NSG1: variants seen among roughly 807,000 people sequenced by gnomAD.
NSG1 encodes the protein neuronal vesicle trafficking associated 1.
NSG1 carries 9 observed loss-of-function variants against 19.3 expected under a neutral mutation model. That is an observed-to-expected ratio of 0.47 (90% confidence interval 0.28 to 0.81). The LOEUF (loss-of-function observed/expected upper bound fraction) is 0.81, where lower values mean the gene tolerates loss of function less well. Among genes scored for constraint, NSG1 ranks in the 40% least tolerant of loss-of-function variants. The probability of loss-of-function intolerance (pLI) is 0.11; values close to 1 mark genes in which losing one functional copy is unlikely to be tolerated. For missense variants in NSG1, 236 were observed against 242.4 expected (o/e 0.97, Z 0.18); for synonymous variants, 104 against 107.0 (o/e 0.97, Z 0.17).
intron 4 of NSG1, among the ~76,000 whole-genome samples, chr4:4,411,324 G>C (rs933221548): frequency 1.3e-5 from 2 of 152,098 alleles, no homozygotes; most frequent in African/African-American, 2.4e-5. Flanking sequence ...TAAGGACACA[G>C]ACACACACAT....
At chr4:4,417,188 C>T in intron 4 of NSG1, 47 bp from the exon 5 acceptor site, 1 of 1,535,480 alleles carries the variant, frequency 6.5e-7, no homozygotes, top group Non-Finnish European at 9.0e-7. Context: ...CACACTGGCA[C>T]CCCCTCTTGC....
rs1436703922 is a variant in NSG1 at position 4,418,876 on chromosome 4, CAA to C, written c.*1442_*1443del. 3 of 152,238 alleles carry C rather than the reference CAA, an allele frequency of 2.0e-5. No homozygotes were observed. The highest frequency in any genetic ancestry group is 4.8e-5 in the African/African-American group (2 of 41,442). 9.4% of individuals were successfully genotyped at this position (152,238 alleles called of 1,614,324 possible). A position where few individuals can be genotyped will look rare whatever the true frequency, so the allele number is the denominator to read the frequency against. Reference sequence around the variant, plus strand: ...TGGTGTTAAGCTGTGGAAAATGACTCAAGAGCAATAAATCAGTGCCAAAGCTT... The same window carrying C: ...TGGTGTTAAGCTGTGGAAAATGACTCGAGCAATAAATCAGTGCCAAAGCTT... On this transcript the variant is annotated 3_prime_UTR_variant, in exon 5 of 5. Coordinates refer to ENST00000621129, the MANE Select transcript of NSG1 (RefSeq NM_014392.5).
At chr4:4,409,503 G>A (rs1219168788) in intron 3 of NSG1, 70 bp from the exon 4 acceptor site, 10 of 1,127,608 alleles carry the variant, frequency 8.9e-6, no homozygotes, top group African/African-American at 3.1e-5. Context: ...GGGGGCCTTC[G>A]TGTGCGGGTG....
chr4:4,415,507 C>T (rs534695932), intron 4 of NSG1, among the ~76,000 whole-genome samples: 4 of 152,062 alleles, frequency 2.6e-5, no homozygotes, highest in East Asian at 1.9e-4. Context: ...TGTGGGCTCA[C>T]GGCAAGGCCT....
chr4:4,391,931 A>G (rs1723015422), intron 3 of NSG1, among the ~76,000 whole-genome samples: 2 of 152,260 alleles, frequency 1.3e-5, no homozygotes, highest in African/African-American at 4.8e-5. Context: ...GGAAGGAAGC[A>G]GGCAATAACA....
chr4:4,389,762 T>A (rs1488539879), intron 2 of NSG1, among the ~76,000 whole-genome samples: 1 of 152,046 alleles, frequency 6.6e-6, no homozygotes, highest in Non-Finnish European at 1.5e-5. Context: ...GTGTATGGAG[T>A]GCTGAGGTGC....
chr4:4,394,278 G>T (rs1723138403), intron 3 of NSG1, among the ~76,000 whole-genome samples: 1 of 152,082 alleles, frequency 6.6e-6, no homozygotes, highest in Admixed American at 6.6e-5. Flanking sequence ...TTGCTCTGCT[G>T]CCTTGAGCCA....
chr4:4,389,971 A>G (rs1315462855), intron 2 of NSG1, among the ~76,000 whole-genome samples: 1 of 152,160 alleles, frequency 6.6e-6, no homozygotes. Context: ...GCAGGCACGG[A>G]GAGTTTGAGA....
At chr4:4,407,082 T>A (rs1272062877) in intron 3 of NSG1, among the ~76,000 whole-genome samples, 1 of 152,248 alleles carries the variant, frequency 6.6e-6, no homozygotes, top group African/African-American at 2.4e-5. Context: ...GGGAGCAGCC[T>A]GGCTCCATCC....
intron 3 of NSG1, among the ~76,000 whole-genome samples, chr4:4,401,395 T>G (rs1429673564): frequency 6.6e-6 from 1 of 152,180 alleles, no homozygotes; most frequent in African/African-American, 2.4e-5. Flanking sequence ...GCCGGGCTCG[T>G]GTTCCCTCTC....
intron 2 of NSG1, among the ~76,000 whole-genome samples, chr4:4,390,316 G>A (rs906293852): frequency 6.6e-6 from 1 of 152,232 alleles, no homozygotes; most frequent in Non-Finnish European, 1.5e-5. Flanking sequence ...TGGGGTCAGA[G>A]GCCAAGAGTG....
intron 4 of NSG1, among the ~76,000 whole-genome samples, chr4:4,411,739 G>A (rs996898121): frequency 1.2e-4 from 16 of 128,570 alleles, no homozygotes; most frequent in Non-Finnish European, 2.3e-4. Flanking sequence ...GGGAGACTCC[G>A]TCTAAAAACA....
intron 3 of NSG1, among the ~76,000 whole-genome samples, chr4:4,402,288 T>A (rs1044134808): frequency 6.7e-6 from 1 of 150,288 alleles, no homozygotes; most frequent in Non-Finnish European, 1.5e-5. Flanking sequence ...TCACTATAAC[T>A]TCTATCTCCC....
intron 3 of NSG1, among the ~76,000 whole-genome samples, chr4:4,396,358 G>A (rs746511715): frequency 3.9e-5 from 6 of 152,190 alleles, no homozygotes; most frequent in Non-Finnish European, 7.3e-5. Flanking sequence ...GGTGATGACC[G>A]GTTGCTGACG....
At chr4:4,413,192 G>A (rs1258097704) in intron 4 of NSG1, among the ~76,000 whole-genome samples, 1 of 152,022 alleles carries the variant, frequency 6.6e-6, no homozygotes, top group East Asian at 1.9e-4. Context: ...AATGAACGGT[G>A]AGGAAGTCAG....
intron 3 of NSG1, among the ~76,000 whole-genome samples, chr4:4,394,211 A>G (rs1250753447): frequency 2.0e-5 from 3 of 152,182 alleles, no homozygotes; most frequent in Non-Finnish European, 4.4e-5. Context: ...CCCAGGCGCC[A>G]TCGCTGTTGA....
upstream of NSG1, chr4:4,386,638 C>T (rs1018157579): frequency 6.5e-6 from 1 of 153,162 alleles, no homozygotes; most frequent in Non-Finnish European, 1.5e-5. Context: ...TCCTCAGGAC[C>T]CCCAGGTGAG....
chr4:4,405,857 G>C (rs999441760), intron 3 of NSG1, among the ~76,000 whole-genome samples: 2 of 152,186 alleles, frequency 1.3e-5, no homozygotes, highest in African/African-American at 2.4e-5. Context: ...TGGAGGAAAG[G>C]CTTGGCCAGG....
chr4:4,388,836 G>A (rs990096739), intron 2 of NSG1, among the ~76,000 whole-genome samples: 1 of 152,180 alleles, frequency 6.6e-6, no homozygotes, highest in Non-Finnish European at 1.5e-5. Context: ...GGCAGGAGCC[G>A]GGAAGAGGCT....
Sources: gnomAD v4.1 joint callset for allele counts (sites outside exome capture counted in the v4.1 genomes callset) on GRCh38, gnomAD v4.1.1 for gene constraint, MANE v1.5 for transcripts, NCBI Gene and HGNC (gene_info 2026-07-23, HGNC 2026-07-21) for gene names.